SSBP1: variants seen among roughly 807,000 people sequenced by gnomAD.
SSBP1 encodes the protein single stranded DNA binding protein 1, also known as single-stranded DNA-binding protein, mitochondrial.
SSBP1 carries 20 observed loss-of-function variants against 27.0 expected under a neutral mutation model. The observed-to-expected ratio is 0.74, with a 90% CI of 0.52 to 1.08. SSBP1 has a LOEUF of 1.08. Among genes scored for constraint, SSBP1 ranks in the 50% least tolerant of loss-of-function variants. SSBP1 has a pLI of 0.00. For synonymous variants in SSBP1, 59 were observed against 59.3 expected (o/e 1.00, Z 0.02); for missense variants, 137 against 182.4 (o/e 0.75, Z 1.44).
intron 6 of SSBP1, among the ~76,000 whole-genome samples, chr7:141,749,609 C>G (rs1231734106): frequency 6.6e-6 from 1 of 152,142 alleles, no homozygotes; most frequent in East Asian, 1.9e-4. Context: ...TGGTGAAACC[C>G]TGTCTCTATT....
chr7:141,747,425 T>C (rs1360542960), intron 6 of SSBP1, among the ~76,000 whole-genome samples: 1 of 146,106 alleles, frequency 6.8e-6, no homozygotes, highest in South Asian at 2.2e-4. Flanking sequence ...CGTCTCACTC[T>C]GTTGCCCCGG....
chr7:141,739,109 G>A lies in SSBP1; in HGVS notation c.-43-15G>A, dbSNP rs1209830816. On this transcript the variant is annotated splice_polypyrimidine_tract_variant and intron_variant, in intron 1 of 6. Transcript: ENST00000265304. ...AGAGGTAATGTTTTTTTCTTATTTTGTTTTTTTCCTTCAGGAAAAGCCTAA... is the reference window on the plus strand; with the variant it reads ...AGAGGTAATGTTTTTTTCTTATTTTATTTTTTTCCTTCAGGAAAAGCCTAA... 1.3e-6 allele frequency: 2 copies of A among 1,493,078 alleles called. No homozygotes were observed. Among genetic ancestry groups the A allele is most frequent in the Non-Finnish European group, 1.8e-6 (2 of 1,105,012 alleles). 92.5% of individuals were successfully genotyped at this position (1,493,078 alleles called of 1,614,324 possible).
intron 2 of SSBP1, 83 bp from the exon 3 acceptor site, chr7:141,742,086 G>A (rs1799557197): frequency 4.9e-6 from 5 of 1,012,216 alleles, no homozygotes; most frequent in South Asian, 1.4e-5. Flanking sequence ...TGACTATATG[G>A]TGAATGAACG....
intron 2 of SSBP1, chr7:141,739,457 G>A (rs1799429481): frequency 5.9e-6 from 2 of 339,212 alleles, no homozygotes; most frequent in East Asian, 4.3e-5. Flanking sequence ...ACCAGTGAGA[G>A]GACATTAAAG....
At chr7:141,745,421 C>A in intron 5 of SSBP1, 75 bp from the exon 6 acceptor site, 1 of 1,257,432 alleles carries the variant, frequency 8.0e-7, no homozygotes, top group Non-Finnish European at 1.1e-6. Context: ...GTCATATACT[C>A]AGTACCACCC....
At chr7:141,745,405 A>G (rs1799741698) in intron 5 of SSBP1, 91 bp from the exon 6 acceptor site, 2 of 1,078,058 alleles carry the variant, frequency 1.9e-6, no homozygotes, top group Non-Finnish European at 2.6e-6. Context: ...TATATATTTC[A>G]TCCTTGTCAT....
At chr7:141,742,092 G>A (rs1253284066) in intron 2 of SSBP1, 77 bp from the exon 3 acceptor site, 1 of 1,077,270 alleles carries the variant, frequency 9.3e-7, no homozygotes, top group African/African-American at 1.6e-5. Flanking sequence ...TATGGTGAAT[G>A]AACGTGAGTA....
rs181254115 is a variant in SSBP1 at position 141,738,602 on chromosome 7, T to C, written c.-44+192T>C. On this transcript the variant is annotated intron_variant, in intron 1 of 6. Coordinates refer to ENST00000265304, the MANE Select transcript of SSBP1 (RefSeq NM_003143.3). Reference sequence around the variant, plus strand: ...TGGTGGCGCCATCTTCGGTAAAGGGTGTCCACCTCTCCCTATGGTGTGGCT... The same window carrying C: ...TGGTGGCGCCATCTTCGGTAAAGGGCGTCCACCTCTCCCTATGGTGTGGCT... The C allele has an allele frequency of 2.4e-3, 360 of 152,654 alleles. 1 individual carries two copies. The highest frequency in any genetic ancestry group is 0.013 in the Middle Eastern group (4 of 298). The allele number at this position is 152,654 out of a possible 1,614,324, so 9.5% of individuals were successfully genotyped here.
chr7:141,745,399 T>C (rs1799741400), intron 5 of SSBP1, 97 bp from the exon 6 acceptor site: 11 of 1,013,066 alleles, frequency 1.1e-5, no homozygotes, highest in Non-Finnish European at 1.5e-5. Context: ...TATGATTATA[T>C]ATTTCATCCT....
rs948164492 is a variant in SSBP1, at chr7:141,745,727, T to C, written c.403+143T>C. 2.4e-5 allele frequency: 33 copies of C among 1,390,808 alleles called. No homozygotes were observed. In the African/African-American group the frequency reaches 3.9e-4, roughly 16 times the overall value. The allele number at this position is 1,390,808 out of a possible 1,614,324, so 86.2% of individuals were successfully genotyped here. On this transcript the variant is annotated intron_variant, in intron 6 of 6. Transcript: ENST00000265304. Reference sequence around the variant, plus strand: ...CACTAGAAGATGTCCATAACTCTTATTTCTCTACTTGCTAAGAGTTTGTAC... The same window carrying C: ...CACTAGAAGATGTCCATAACTCTTACTTCTCTACTTGCTAAGAGTTTGTAC...
At chr7:141,739,653 T>C (rs1428203871) in intron 2 of SSBP1, 1 of 152,800 alleles carries the variant, frequency 6.5e-6, no homozygotes, top group Admixed American at 6.5e-5. Context: ...AAATGCCTTC[T>C]CATTCCACTT....
intron 6 of SSBP1, among the ~76,000 whole-genome samples, chr7:141,748,752 T>A (rs1397264888): frequency 1.3e-5 from 2 of 152,192 alleles, no homozygotes; most frequent in African/African-American, 4.8e-5. Flanking sequence ...TCAGTGACAT[T>A]TGAATTGAAG....
chr7:141,739,425 G>C (rs1799427780), intron 2 of SSBP1: 1 of 376,174 alleles, frequency 2.7e-6, no homozygotes, highest in Non-Finnish European at 4.7e-6. Context: ...TTTTTAAAAT[G>C]TGTGTGTGTT....
At chr7:141,745,693 A>C in intron 6 of SSBP1, 109 bp downstream of exon 6, 5 of 1,473,426 alleles carry the variant, frequency 3.4e-6, no homozygotes, top group Non-Finnish European at 4.5e-6. Flanking sequence ...CTTATGAGTT[A>C]AGGCAACTCA....
rs141290369 is a variant in SSBP1 at position 141,742,192 on chromosome 7, T to G, written c.48T>G (p.His16Gln). ...AGGTACTTCGTCAGTTTGTAAGACA[T>G]GAGTCCGAAACAACTACCAGTTTGG... is the stretch of plus-strand genomic sequence containing the variant. The part of the protein sequence containing the change: ...VLQVLRQFVR[H>Q]ESETTTSLVL... The change falls in exon 3 of 7, where the codon CAT (histidine) becomes CAG (glutamine). Residue 16 changes from histidine to glutamine, a missense_variant. Physicochemically the swap from His to Gln is conservative, Grantham distance 24. Transcript: ENST00000265304. 1 of 1,602,858 alleles carries G rather than the reference T, an allele frequency of 6.2e-7. No individual in the cohort carries two copies. Among genetic ancestry groups the G allele is most frequent in the Non-Finnish European group, 8.5e-7 (1 of 1,170,868 alleles).
intron 3 of SSBP1, among the ~76,000 whole-genome samples, chr7:141,743,297 C>T (rs1382707250): frequency 6.6e-6 from 1 of 152,178 alleles, no homozygotes; most frequent in East Asian, 1.9e-4. Flanking sequence ...GAGCTCTTGG[C>T]GAGGGCTGTC....
In SSBP1 at chr7:141,749,552, C is replaced by T. The variant is rs951425352; in HGVS notation, c.404-759C>T. On this transcript the variant is annotated intron_variant, in intron 6 of 6. Transcript: ENST00000265304. ...ATCCCAGCACTTTGGGAGGCCAAGGCGGGCAGATCACTTGAGGTCAGGAGT... is the reference window on the plus strand; with the variant it reads ...ATCCCAGCACTTTGGGAGGCCAAGGTGGGCAGATCACTTGAGGTCAGGAGT... Among the ~76,000 whole-genome samples, 53 of 152,176 alleles carry T rather than the reference C, an allele frequency of 3.5e-4. 1 individual carries two copies. The highest frequency in any genetic ancestry group is 2.8e-3 in the Admixed American group (43 of 15,280).
At chr7:141,744,129 G>A in intron 5 of SSBP1, 140 bp downstream of exon 5, 1 of 696,220 alleles carries the variant, frequency 1.4e-6, no homozygotes, top group Non-Finnish European at 2.3e-6. Flanking sequence ...TATTTACTAA[G>A]TCCTTGATAC....
At chr7:141,741,938 C>T in intron 2 of SSBP1, 1 of 574,298 alleles carries the variant, frequency 1.7e-6, no homozygotes, top group Non-Finnish European at 2.7e-6. Flanking sequence ...TAACTTTGAG[C>T]ATGCCTTCTA....
Sources: gnomAD v4.1 joint callset for allele counts (sites outside exome capture counted in the v4.1 genomes callset) on GRCh38, gnomAD v4.1.1 for gene constraint, MANE v1.5 for transcripts, NCBI Gene and HGNC (gene_info 2026-07-23, HGNC 2026-07-21) for gene names.